The following CABLES1 variants were observed in gnomAD, a reference collection of about 807,000 sequenced individuals.
CABLES1 encodes Cdk5 and Abl enzyme substrate 1.
Under a neutral mutation model 57.8 loss-of-function variants are expected in CABLES1, and 36 were observed. That is an observed-to-expected ratio of 0.62 (90% CI 0.48 to 0.82). The LOEUF is 0.82. Ranked by LOEUF, CABLES1 falls within the 40% of genes least tolerant of loss-of-function variation. The pLI is 0.00. For missense variants in CABLES1, 767 were observed against 836.6 expected (o/e 0.92, Z 1.03); for synonymous variants, 374 against 363.0 (o/e 1.03, Z -0.35).
chr18:23,219,055 G>A (rs759422671), intron 4 of CABLES1: 36 of 388,416 alleles, frequency 9.3e-5, no homozygotes, highest in Admixed American at 2.7e-4. Flanking sequence ...CCACCCCCCC[G>A]CAAGTGCCTT....
At chr18:23,167,783 C>CT (rs947285926) in intron 1 of CABLES1, among the ~76,000 whole-genome samples, 3 of 151,920 alleles carry the variant, frequency 2.0e-5, no homozygotes, top group African/African-American at 7.3e-5. Flanking sequence ...CCAAGCCAGG[C>CT]TTGCTGCAGG....
chr18:23,158,135 A>C (rs1027138073), intron 1 of CABLES1, among the ~76,000 whole-genome samples: 14 of 151,268 alleles, frequency 9.3e-5, no homozygotes, highest in Admixed American at 2.6e-4. Context: ...AAAAAAAAAA[A>C]AAACAAACCC....
chr18:23,211,837 A>AG (rs753277867), intron 3 of CABLES1, among the ~76,000 whole-genome samples: 12 of 152,262 alleles, frequency 7.9e-5, no homozygotes, highest in Non-Finnish European at 1.5e-4. Flanking sequence ...GTAAATTTAC[A>AG]GGGGCACTGC....
intron 9 of CABLES1, 81 bp downstream of exon 9, chr18:23,254,017 C>T: frequency 8.3e-7 from 1 of 1,202,604 alleles, no homozygotes; most frequent in Non-Finnish European, 1.2e-6. Flanking sequence ...CGGTCAGTGA[C>T]CCTGCCTGGA....
At chr18:23,144,483 G>A (rs535735775) in intron 1 of CABLES1, among the ~76,000 whole-genome samples, 55 of 152,336 alleles carry the variant, frequency 3.6e-4, no homozygotes, top group African/African-American at 1.3e-3. Flanking sequence ...CACCCTACCT[G>A]AGCCTGTCTC....
intron 3 of CABLES1, among the ~76,000 whole-genome samples, chr18:23,208,556 TATTC>T (rs2047381290): frequency 6.6e-6 from 1 of 152,206 alleles, no homozygotes; most frequent in Non-Finnish European, 1.5e-5. Context: ...AATTTCATAA[TATTC>T]ATTTGTCTCC....
At chr18:23,222,614 C>CACAGAT (rs1346550795) in intron 4 of CABLES1, among the ~76,000 whole-genome samples, 3 of 149,396 alleles carry the variant, frequency 2.0e-5, no homozygotes, top group South Asian at 4.2e-4. Flanking sequence ...TAGATATATA[C>CACAGAT]ACAGATATAG....
At chr18:23,163,547 G>A (rs1464494634) in intron 1 of CABLES1, among the ~76,000 whole-genome samples, 2 of 152,162 alleles carry the variant, frequency 1.3e-5, no homozygotes, top group African/African-American at 2.4e-5. Flanking sequence ...GGAAGCCTGG[G>A]GGGCTGAGAG....
At chr18:23,243,275 G>C (rs1040999672) in intron 7 of CABLES1, among the ~76,000 whole-genome samples, 1 of 151,866 alleles carries the variant, frequency 6.6e-6, no homozygotes, top group East Asian at 1.9e-4. Flanking sequence ...CATCACATTA[G>C]AAGCACAGTA....
chr18:23,157,504 G>A (rs1468192264), intron 1 of CABLES1, among the ~76,000 whole-genome samples: 1 of 152,148 alleles, frequency 6.6e-6, no homozygotes, highest in Non-Finnish European at 1.5e-5. Context: ...GAATCAGAGA[G>A]CCAGTGTGAC....
intron 1 of CABLES1, among the ~76,000 whole-genome samples, chr18:23,147,612 A>T (rs953083582): frequency 9.2e-5 from 14 of 152,236 alleles, no homozygotes; most frequent in African/African-American, 2.9e-4. Flanking sequence ...TTTTAGTTTC[A>T]TCAGTAGTAG....
chr18:23,150,615 C>G (rs1390375499), intron 1 of CABLES1, among the ~76,000 whole-genome samples: 1 of 152,174 alleles, frequency 6.6e-6, no homozygotes, highest in Non-Finnish European at 1.5e-5. Context: ...GGTGGGACCC[C>G]TGCCACCACA....
intron 3 of CABLES1, among the ~76,000 whole-genome samples, chr18:23,204,227 C>T (rs566261303): frequency 1.3e-5 from 2 of 152,324 alleles, no homozygotes; most frequent in East Asian, 1.9e-4. Context: ...CAGTTCCCGG[C>T]GGTGTGCTGG....
intron 5 of CABLES1, 84 bp from the exon 6 acceptor site, chr18:23,235,811 G>T: frequency 1.5e-6 from 2 of 1,295,418 alleles, no homozygotes; most frequent in Non-Finnish European, 2.2e-6. Context: ...CCTGAATGTG[G>T]GGTGACAACT....
At position 23,135,978 on chromosome 18, in the gene CABLES1, C is replaced by T; in HGVS notation, c.216C>T (p.Ile72=). Residue 72 remains isoleucine, a synonymous_variant, in exon 1 of 10, where the codon ATC becomes ATT. Transcript: ENST00000256925. ...RQAALSFLTN[I]SLDGRLPPQD... ...CTGCCCTCTCCTTCCTCACCAACAT[C>T]TCGCTGGACGGCCGGCTGCCGCCGC... The T allele has an allele frequency of 7.9e-6, 9 of 1,139,572 alleles. No individual in the cohort carries two copies. Among genetic ancestry groups the T allele is most frequent in the Non-Finnish European group, 9.7e-6 (9 of 928,650 alleles). The allele number at this position is 1,139,572 out of a possible 1,614,324, so 70.6% of individuals were successfully genotyped here.
intron 1 of CABLES1, among the ~76,000 whole-genome samples, chr18:23,187,693 AT>A (rs35652868): frequency 0.013 from 1,926 of 150,416 alleles, 25 homozygotes; most frequent in African/African-American, 0.038. Context: ...GGCCACAAGT[AT>A]TTTTTTTTTA....
In CABLES1 at chr18:23,188,543, T is replaced by TTGTGTGTGTG. The variant is rs55888102; in HGVS notation, c.846-281_846-272dup. Among the ~76,000 whole-genome samples, 662 of 149,058 alleles carry TTGTGTGTGTG rather than the reference T, an allele frequency of 4.4e-3. 4 individuals carry two copies. The highest frequency in any genetic ancestry group is 0.016 in the African/African-American group (642 of 40,702). On this transcript the variant is annotated intron_variant, in intron 1 of 9. Coordinates refer to ENST00000256925, the MANE Select transcript of CABLES1 (RefSeq NM_001100619.3). Reference sequence around the variant, plus strand: ...GTATATTACAAGAGGCACCTTGTCTTTGTGTGTGTGTGTGTGTGTGTGTCC... The same window carrying TTGTGTGTGTG: ...GTATATTACAAGAGGCACCTTGTCTTTGTGTGTGTGTGTGTGTGTGTGTGTGTGTGTGTCC...
chr18:23,134,947 G>A (rs905753911), upstream of CABLES1, among the ~76,000 whole-genome samples: 1 of 152,134 alleles, frequency 6.6e-6, no homozygotes, highest in Non-Finnish European at 1.5e-5. Context: ...CGGTGGGACA[G>A]TCTCCATAGG....
chr18:23,251,755 A>G (rs887821036), intron 7 of CABLES1, among the ~76,000 whole-genome samples: 1 of 152,182 alleles, frequency 6.6e-6, no homozygotes, highest in South Asian at 2.1e-4. Context: ...CCTTAAAGGA[A>G]ATTCTGACAC....
Sources: gnomAD v4.1 joint callset for allele counts (sites outside exome capture counted in the v4.1 genomes callset) on GRCh38, gnomAD v4.1.1 for gene constraint, MANE v1.5 for transcripts, NCBI Gene and HGNC (gene_info 2026-07-23, HGNC 2026-07-21) for gene names.